Variants in ASAP2 observed in about 807,000 individuals in gnomAD.
ASAP2 encodes ArfGAP with SH3 domain, ankyrin repeat and PH domain 2, also known as arf-GAP with SH3 domain, ANK repeat and PH domain-containing protein 2.
Under a neutral mutation model 131.4 loss-of-function variants are expected in ASAP2, and 45 were observed. The ratio of observed to expected loss-of-function variants is 0.34; its 90% CI spans 0.27 to 0.44. The LOEUF (loss-of-function observed/expected upper bound fraction) is 0.44. Among genes scored for constraint, ASAP2 ranks in the 20% least tolerant of loss-of-function variants. The pLI is 1.00. For missense variants in ASAP2, 1,011 were observed against 1,297.0 expected, an observed-to-expected ratio of 0.78 and a Z score of 3.39; for synonymous variants, 510 against 503.0, an observed-to-expected ratio of 1.01 and a Z score of -0.19.
chr2:9,210,797 G>T (rs1661483291), intron 1 of ASAP2, among the ~76,000 whole-genome samples: 1 of 151,952 alleles, frequency 6.6e-6, no homozygotes, highest in African/African-American at 2.4e-5. Flanking sequence ...TCCTGACCTT[G>T]TGATCCGCCC....
intron 1 of ASAP2, among the ~76,000 whole-genome samples, chr2:9,236,388 C>A (rs1160177031): frequency 6.6e-6 from 1 of 152,178 alleles, no homozygotes. Flanking sequence ...CTGACATATT[C>A]TTATCCTTGC....
intron 11 of ASAP2, 143 bp downstream of exon 11, chr2:9,344,943 C>A (rs1284866818): frequency 3.4e-6 from 2 of 580,878 alleles, no homozygotes; most frequent in Non-Finnish European, 2.9e-6. Context: ...CTGTCAGAAA[C>A]GCTTGCTGGC....
intron 15 of ASAP2, among the ~76,000 whole-genome samples, chr2:9,364,031 T>G (rs1673273772): frequency 6.6e-6 from 1 of 152,216 alleles, no homozygotes; most frequent in Admixed American, 6.5e-5. Context: ...AAACACAGAT[T>G]TTAAAAAGAT....
intron 1 of ASAP2, among the ~76,000 whole-genome samples, chr2:9,249,754 T>C (rs1329177412): frequency 6.7e-6 from 1 of 149,122 alleles, no homozygotes; most frequent in East Asian, 1.9e-4. Context: ...GCGGGGGAGC[T>C]GCATGCACTG....
At chr2:9,229,967 T>C (rs538561961) in intron 1 of ASAP2, among the ~76,000 whole-genome samples, 2 of 152,272 alleles carry the variant, frequency 1.3e-5, no homozygotes, top group African/African-American at 4.8e-5. Context: ...TGTTTGTGTA[T>C]GGAGCAAGGA....
intron 20 of ASAP2, 124 bp from the exon 21 acceptor site, chr2:9,385,121 C>T: frequency 1.5e-6 from 1 of 680,294 alleles, no homozygotes; most frequent in Non-Finnish European, 2.6e-6. Flanking sequence ...TCACCTGAGA[C>T]CCAGAGATTT....
rs1222830228 is a variant in ASAP2 at position 9,397,743 on chromosome 2, TATA to T, written c.2685-2279_2685-2277del. Among the ~76,000 whole-genome samples, 141 of 93,388 alleles carry T rather than the reference TATA, an allele frequency of 1.5e-3. 2 individuals carry two copies. Among genetic ancestry groups the T allele is most frequent in the African/African-American group, 9.7e-3 (119 of 12,298 alleles). The allele number at this position is 93,388 out of a possible 152,430, so 61.3% of individuals were successfully genotyped here. On this transcript the variant is annotated intron_variant, in intron 24 of 27. Transcript: ENST00000281419. Reference sequence around the variant, plus strand: ...AATCAAAAGGATATATATATATATATATATATATTTTTTTTTTTTTTTTTTTTT... The same window carrying T: ...AATCAAAAGGATATATATATATATATTATATTTTTTTTTTTTTTTTTTTTT...
chr2:9,337,818 C>T (rs1671316235), intron 9 of ASAP2, among the ~76,000 whole-genome samples: 1 of 152,208 alleles, frequency 6.6e-6, no homozygotes, highest in South Asian at 2.1e-4. Context: ...ATATTTTCTG[C>T]TCTCTGTAAG....
chr2:9,341,235 G>A (rs979481871), intron 9 of ASAP2, among the ~76,000 whole-genome samples: 26 of 152,184 alleles, frequency 1.7e-4, no homozygotes, highest in African/African-American at 6.3e-4. Context: ...ACCTGGTCAG[G>A]CGTTTTGTAC....
chr2:9,307,823 T>C (rs1204330876), intron 3 of ASAP2, among the ~76,000 whole-genome samples: 1 of 152,224 alleles, frequency 6.6e-6, no homozygotes, highest in African/African-American at 2.4e-5. Flanking sequence ...AGGATCAGCA[T>C]GGGCTCCCCC....
At chr2:9,346,655 G>A (rs991238347) in intron 11 of ASAP2, among the ~76,000 whole-genome samples, 4 of 152,136 alleles carry the variant, frequency 2.6e-5, no homozygotes, top group African/African-American at 7.2e-5. Flanking sequence ...TTTGAACTCC[G>A]ATTGACTGCC....
Position 9,318,509 on chromosome 2 carries a change from GT to G in ASAP2, c.346-10del, listed in dbSNP as rs1558326896. 1 of 1,597,542 alleles carries G rather than the reference GT, an allele frequency of 6.3e-7. No individual in the cohort carries two copies. ...GGAAGCTGAATAAGAATCTCCTTTT[GT>G]TTTTGTTTTTTAGATTCAGAATATG... is the stretch of plus-strand genomic sequence containing the variant. On this transcript the variant is annotated splice_polypyrimidine_tract_variant and intron_variant, in intron 3 of 27. Transcript: ENST00000281419.
rs1661162221 is a variant in ASAP2 at position 9,207,093 on chromosome 2, C to G, written c.-12C>G. The G allele has an allele frequency of 1.3e-6, 2 of 1,568,360 alleles. No individual in the cohort carries two copies. The highest frequency in any genetic ancestry group is 1.7e-6 in the Non-Finnish European group (2 of 1,158,184). On this transcript the variant is annotated 5_prime_UTR_variant, in exon 1 of 28. Transcript: ENST00000281419. This position sits in a 1 kb window ranked among gnomAD's most constrained non-coding sequence, Gnocchi z 4.1. ...CCCTGCGGCTGTGCGCCAGCGCCCTCGCGCCGAGGCGATGCCGGACCAGAT... is the reference window on the plus strand; with the variant it reads ...CCCTGCGGCTGTGCGCCAGCGCCCTGGCGCCGAGGCGATGCCGGACCAGAT...
intron 4 of ASAP2, 43 bp from the exon 5 acceptor site, chr2:9,320,245 G>A: frequency 6.6e-7 from 1 of 1,518,036 alleles, no homozygotes; most frequent in South Asian, 1.1e-5. Flanking sequence ...TTGCACAGAA[G>A]TGAATGATTA....
intron 2 of ASAP2, among the ~76,000 whole-genome samples, chr2:9,283,127 G>A (rs1248115979): frequency 6.6e-6 from 1 of 152,096 alleles, no homozygotes; most frequent in Non-Finnish European, 1.5e-5. Context: ...GCCCAGGCTG[G>A]AGTGCAGTGG....
intron 7 of ASAP2, among the ~76,000 whole-genome samples, chr2:9,333,883 T>G (rs574334276): frequency 6.6e-6 from 1 of 152,216 alleles, no homozygotes; most frequent in East Asian, 1.9e-4. Flanking sequence ...CTCACAGCAT[T>G]GAGTTCTCAG....
intron 1 of ASAP2, among the ~76,000 whole-genome samples, chr2:9,264,161 C>T (rs758741203): frequency 1.4e-5 from 2 of 148,020 alleles, no homozygotes; most frequent in African/African-American, 5.1e-5. Flanking sequence ...CACTGCACTC[C>T]ACCCTGGGCA....
chr2:9,254,254 T>TATATATATAC lies in ASAP2; in HGVS notation c.127-25062_127-25061insTATATATACA, dbSNP rs1553297027. 2.8e-3 allele frequency among the ~76,000 whole-genome samples: 184 copies of TATATATATAC among 65,704 alleles called. 15 individuals are homozygous for TATATATATAC. The highest frequency in any genetic ancestry group is 0.011 in the African/African-American group (144 of 13,510). The allele number at this position is 65,704 out of a possible 152,430, so 43.1% of individuals were successfully genotyped here. On this transcript the variant is annotated intron_variant, in intron 1 of 27. Transcript: ENST00000281419. ...AAAAAAAAATATATATATATATATATACACGTGTGTGTGTATGCATATATA... is the reference window on the plus strand; with the variant it reads ...AAAAAAAAATATATATATATATATATATATATATACACACGTGTGTGTGTATGCATATATA...
rs144922072 is a variant in ASAP2 at position 9,378,952 on chromosome 2, T to C, written c.1841T>C (p.Leu614Pro). ...TTCCTGTTCTCGGGCAGTGGGAACC[T>C]GGATAAACAGACAGGGAAAGGCAGC... ...VDFLVQNSGN[L>P]DKQTGKGSTA... Residue 614 changes from leucine to proline, a missense_variant, in exon 19 of 28, where the codon CTG becomes CCG. Coordinates refer to ENST00000281419, the MANE Select transcript of ASAP2 (RefSeq NM_003887.3). The C allele has an allele frequency of 2.4e-5, 35 of 1,469,844 alleles. No individual in the cohort carries two copies. Among genetic ancestry groups the C allele is most frequent in the Non-Finnish European group, 2.8e-5 (31 of 1,101,142 alleles). 91.1% of individuals were successfully genotyped at this position (1,469,844 alleles called of 1,614,324 possible).
Sources: gnomAD v4.1 joint callset for allele counts (sites outside exome capture counted in the v4.1 genomes callset) on GRCh38, gnomAD v4.1.1 for gene constraint, Gnocchi (gnomAD v3.1) non-coding constraint, MANE v1.5 for transcripts, NCBI Gene and HGNC (gene_info 2026-07-23, HGNC 2026-07-21) for gene names.